The following ERBB4 variants were observed in gnomAD, a reference collection of about 807,000 sequenced individuals.
ERBB4 encodes erb-b2 receptor tyrosine kinase 4, also known as receptor tyrosine-protein kinase erbB-4.
Under a neutral mutation model 158.0 loss-of-function variants are expected in ERBB4, and 42 were observed. That is an observed-to-expected ratio of 0.27 (90% CI 0.21 to 0.34). The LOEUF is 0.34. Among genes scored for constraint, ERBB4 ranks in the 10% least tolerant of loss-of-function variants. The pLI, the probability that ERBB4 is intolerant of heterozygous loss-of-function variation, is 1.00. For missense variants in ERBB4, 1,333 were observed against 1,624.1 expected, an observed-to-expected ratio of 0.82 and a Z score of 3.08; for synonymous variants, 583 against 558.7, an observed-to-expected ratio of 1.04 and a Z score of -0.61.
At chr2:212,062,418 T>C in intron 2 of ERBB4, among the ~76,000 whole-genome samples, 1 of 86,032 alleles carries the variant, frequency 1.2e-5, no homozygotes, top group Non-Finnish European at 2.2e-5. Context: ...TTTTTTTTTT[T>C]TTTTTTTTTT....
intron 1 of ERBB4, among the ~76,000 whole-genome samples, chr2:212,324,471 GGTTTTT>G (rs1560020572): frequency 6.8e-6 from 1 of 146,956 alleles, no homozygotes; most frequent in Admixed American, 6.8e-5. Context: ...AGGAGCAGCG[GGTTTTT>G]TGTTTTTGTT....
intron 20 of ERBB4, among the ~76,000 whole-genome samples, chr2:211,465,449 C>T (rs998354992): frequency 6.6e-6 from 1 of 150,942 alleles, no homozygotes; most frequent in Non-Finnish European, 1.5e-5. Context: ...GACATCATAG[C>T]TTTAAAAAAA....
intron 20 of ERBB4, among the ~76,000 whole-genome samples, chr2:211,434,248 C>T (rs1043796866): frequency 6.6e-6 from 1 of 152,140 alleles, no homozygotes; most frequent in Non-Finnish European, 1.5e-5. Flanking sequence ...TAAAACTCTG[C>T]TATGATCTGA....
chr2:212,082,859 A>G (rs762764422), intron 2 of ERBB4, among the ~76,000 whole-genome samples: 46 of 152,062 alleles, frequency 3.0e-4, no homozygotes, highest in Admixed American at 1.1e-3. Context: ...AAACGACAAG[A>G]ACACAAATCA....
At chr2:211,948,594 G>T (rs1465218709) in intron 2 of ERBB4, among the ~76,000 whole-genome samples, 2 of 151,678 alleles carry the variant, frequency 1.3e-5, no homozygotes, top group Admixed American at 1.3e-4. Context: ...ACAGTGTCAT[G>T]AAGAAAGTCT....
chr2:212,481,504 A>G (rs1188455382), intron 1 of ERBB4, among the ~76,000 whole-genome samples: 1 of 152,204 alleles, frequency 6.6e-6, no homozygotes. Context: ...GAGAAGCTCT[A>G]AAAGAAGTCA....
intron 16 of ERBB4, among the ~76,000 whole-genome samples, chr2:211,657,291 C>G (rs1344671856): frequency 6.6e-6 from 1 of 151,410 alleles, no homozygotes; most frequent in African/African-American, 2.4e-5. Flanking sequence ...GGCAGATTGC[C>G]TGAGGTCAGG....
chr2:212,463,768 A>G (rs1033846171), intron 1 of ERBB4, among the ~76,000 whole-genome samples: 8 of 152,122 alleles, frequency 5.3e-5, no homozygotes, highest in African/African-American at 1.9e-4. Context: ...AGCTTCATGA[A>G]TCAGTTCAAA....
intron 20 of ERBB4, among the ~76,000 whole-genome samples, chr2:211,470,001 A>C (rs2064792745): frequency 6.6e-6 from 1 of 152,086 alleles, no homozygotes; most frequent in Admixed American, 6.6e-5. Context: ...ATATACTTGA[A>C]AACATGAGGA....
At chr2:212,211,528 G>A (rs1451077273) in intron 1 of ERBB4, among the ~76,000 whole-genome samples, 14 of 151,652 alleles carry the variant, frequency 9.2e-5, no homozygotes, top group Admixed American at 9.2e-4. Context: ...AATTCACTTA[G>A]TGAATGAAGT....
intron 2 of ERBB4, among the ~76,000 whole-genome samples, chr2:211,981,213 C>A (rs551328054): frequency 6.6e-6 from 1 of 152,116 alleles, no homozygotes; most frequent in African/African-American, 2.4e-5. Flanking sequence ...CCACTCTTCC[C>A]TAAGAGCACC....
At chr2:211,640,870 C>T (rs2070555228) in intron 16 of ERBB4, among the ~76,000 whole-genome samples, 1 of 152,032 alleles carries the variant, frequency 6.6e-6, no homozygotes, top group Admixed American at 6.6e-5. Context: ...GGAGAAAAAG[C>T]AGGCATCAAA....
chr2:212,388,207 A>C (rs915788723), intron 1 of ERBB4, among the ~76,000 whole-genome samples: 1 of 152,140 alleles, frequency 6.6e-6, no homozygotes, highest in Non-Finnish European at 1.5e-5. Flanking sequence ...TAAAATAGGA[A>C]GAAGTAAATG....
chr2:212,124,660 A>C (rs906350475), intron 2 of ERBB4, 92 bp downstream of exon 2: 7 of 1,412,386 alleles, frequency 5.0e-6, no homozygotes, highest in Admixed American at 1.7e-5. Context: ...GCAGAAGAGC[A>C]CCCCTTCCAG....
chr2:211,537,483 T>C (rs1328942262), intron 20 of ERBB4, among the ~76,000 whole-genome samples: 1 of 152,018 alleles, frequency 6.6e-6, no homozygotes, highest in African/African-American at 2.4e-5. Context: ...AGTTATAACA[T>C]GTTAAGTCAT....
intron 1 of ERBB4, among the ~76,000 whole-genome samples, chr2:212,258,039 A>G (rs2084803984): frequency 6.6e-6 from 1 of 152,154 alleles, no homozygotes; most frequent in African/African-American, 2.4e-5. Context: ...GTGCTTAACA[A>G]TATTTCAAAA....
intron 7 of ERBB4, among the ~76,000 whole-genome samples, chr2:211,715,598 T>C (rs565655067): frequency 6.6e-6 from 1 of 152,278 alleles, no homozygotes; most frequent in African/African-American, 2.4e-5. Flanking sequence ...CTTCTCATGG[T>C]TTAACACCAT....
intron 20 of ERBB4, among the ~76,000 whole-genome samples, chr2:211,435,921 A>C (rs549350614): frequency 6.6e-6 from 1 of 151,988 alleles, no homozygotes; most frequent in East Asian, 1.9e-4. Flanking sequence ...GTGGACATGG[A>C]GAAATTAATG....
At chr2:211,624,406 A>AG (rs1221533078) in intron 17 of ERBB4, among the ~76,000 whole-genome samples, 4 of 152,054 alleles carry the variant, frequency 2.6e-5, no homozygotes, top group African/African-American at 7.2e-5. Context: ...GTCAGAGGAG[A>AG]GGGGAAAAAA....
Sources: gnomAD v4.1 joint callset for allele counts (sites outside exome capture counted in the v4.1 genomes callset) on GRCh38, gnomAD v4.1.1 for gene constraint, MANE v1.5 for transcripts, NCBI Gene and HGNC (gene_info 2026-07-23, HGNC 2026-07-21) for gene names.